Variants in NRXN1 observed in about 807,000 individuals in gnomAD.
NRXN1 encodes the protein neurexin-1.
In NRXN1, 39 loss-of-function variants were observed where a neutral mutation model predicts 150.9. That is an observed-to-expected ratio of 0.26 (90% confidence interval 0.20 to 0.34). The LOEUF (loss-of-function observed/expected upper bound fraction) is 0.34. Ranked by LOEUF, NRXN1 falls within the 10% of genes least tolerant of loss-of-function variation. The probability of loss-of-function intolerance (pLI) is 1.00; values close to 1 mark genes in which losing one functional copy is unlikely to be tolerated. For synonymous variants in NRXN1, 924 were observed against 757.0 expected (o/e 1.22, Z -3.62); for missense variants, 1,815 against 1,949.9 (o/e 0.93, Z 1.30).
At chr2:50,846,328 G>A (rs1036335617) in intron 5 of NRXN1, among the ~76,000 whole-genome samples, 3 of 152,144 alleles carry the variant, frequency 2.0e-5, no homozygotes, top group African/African-American at 4.8e-5. Flanking sequence ...AAGGCTAGAA[G>A]AGAAGGAATG....
At chr2:50,886,512 C>T (rs920525286) in intron 5 of NRXN1, among the ~76,000 whole-genome samples, 1 of 151,342 alleles carries the variant, frequency 6.6e-6, no homozygotes, top group Admixed American at 6.6e-5. Context: ...ATAAATTAGA[C>T]AATCTCATAA....
At chr2:50,979,667 C>T (rs898914294) in intron 2 of NRXN1, among the ~76,000 whole-genome samples, 3 of 152,036 alleles carry the variant, frequency 2.0e-5, no homozygotes, top group Non-Finnish European at 4.4e-5. Flanking sequence ...AATCTGGCAA[C>T]GAACCTTGGT....
chr2:50,696,394 G>C (rs187578644), intron 5 of NRXN1: 144 of 152,696 alleles, frequency 9.4e-4, no homozygotes, highest in African/African-American at 3.4e-3. Context: ...TCAGAAGTAA[G>C]TAATATTCTG....
intron 18 of NRXN1, among the ~76,000 whole-genome samples, chr2:50,121,577 G>C (rs776400516): frequency 6.6e-6 from 1 of 152,104 alleles, no homozygotes; most frequent in South Asian, 2.1e-4. Context: ...GTGTGCAGGG[G>C]AATGTTTCTG....
chr2:50,088,208 G>T (rs1379536512), intron 19 of NRXN1, among the ~76,000 whole-genome samples: 1 of 152,046 alleles, frequency 6.6e-6, no homozygotes, highest in Non-Finnish European at 1.5e-5. Flanking sequence ...TTTAATCAAG[G>T]TGACACACTC....
intron 5 of NRXN1, among the ~76,000 whole-genome samples, chr2:50,896,178 T>C (rs1681920456): frequency 6.6e-6 from 1 of 152,160 alleles, no homozygotes; most frequent in African/African-American, 2.4e-5. Flanking sequence ...TTTCTATTCT[T>C]TCATCTGGTC....
At chr2:50,481,796 C>G (rs1324347425) in intron 15 of NRXN1, among the ~76,000 whole-genome samples, 3 of 94,518 alleles carry the variant, frequency 3.2e-5, no homozygotes, top group African/African-American at 1.2e-4. Context: ...GACGGAGTCT[C>G]GCTCTGTCGC....
chr2:50,666,961 G>C (rs2104693470), intron 5 of NRXN1, among the ~76,000 whole-genome samples: 1 of 151,668 alleles, frequency 6.6e-6, no homozygotes, highest in South Asian at 2.1e-4. Flanking sequence ...ACACACGCAT[G>C]GCGTGGTGAG....
In NRXN1 at chr2:50,534,497, C is replaced by T. The variant is rs542976586; in HGVS notation, c.2144-3067G>A. ...AAGACCAGTGCAAATAATCAAATTG[C>T]TGTTGCTCAAAAAATAATGAAAACC... On this transcript the variant is annotated intron_variant, in intron 10 of 22. Coordinates refer to ENST00000401669, the MANE Select transcript of NRXN1 (RefSeq NM_001330078.2). Among the ~76,000 whole-genome samples, 5 of 152,078 alleles carry T rather than the reference C, an allele frequency of 3.3e-5. No individual in the cohort carries two copies. In the South Asian group the frequency reaches 1.0e-3, roughly 32 times the overall value.
At chr2:50,928,146 T>G (rs984383088) in intron 2 of NRXN1, among the ~76,000 whole-genome samples, 1 of 151,960 alleles carries the variant, frequency 6.6e-6, no homozygotes, top group African/African-American at 2.4e-5. Flanking sequence ...CAAGTCATGT[T>G]TAATGTGTAA....
intron 19 of NRXN1, among the ~76,000 whole-genome samples, chr2:50,056,809 A>C (rs1693714446): frequency 6.6e-6 from 1 of 152,158 alleles, no homozygotes; most frequent in Non-Finnish European, 1.5e-5. Context: ...GCAATCACAA[A>C]ATATTTTCAA....
chr2:50,994,197 G>C lies in NRXN1; in HGVS notation c.772+33305C>G, dbSNP rs369244699. On this transcript the variant is annotated intron_variant, in intron 2 of 22. Coordinates refer to ENST00000401669, the MANE Select transcript of NRXN1 (RefSeq NM_001330078.2). ...TCTTATAGAGTTGATCCCAGGTGGT[G>C]TGATCTTAGAGTCTGTACAATTAAG... Among the ~76,000 whole-genome samples, 98 of 152,086 alleles carry C rather than the reference G, an allele frequency of 6.4e-4. No homozygotes were observed. The Middle Eastern group carries it at 0.017, about 26-fold the overall frequency.
intron 16 of NRXN1, among the ~76,000 whole-genome samples, chr2:50,467,972 T>C (rs138400423): frequency 1.8e-3 from 278 of 151,672 alleles, no homozygotes; most frequent in African/African-American, 6.3e-3. Context: ...CCCATGGCAT[T>C]AGAGATCAAA....
chr2:50,135,132 T>G (rs549511664), intron 18 of NRXN1, among the ~76,000 whole-genome samples: 1 of 152,230 alleles, frequency 6.6e-6, no homozygotes, highest in Admixed American at 6.5e-5. Context: ...AAAAGCATGC[T>G]TACTGTTACT....
At chr2:50,116,910 A>T (rs1392434175) in intron 18 of NRXN1, among the ~76,000 whole-genome samples, 1 of 152,108 alleles carries the variant, frequency 6.6e-6, no homozygotes, top group Non-Finnish European at 1.5e-5. Flanking sequence ...CCAACTAAAA[A>T]TGACTTAAAA....
At chr2:50,900,606 C>CA (rs1459511442) in intron 5 of NRXN1, among the ~76,000 whole-genome samples, 1 of 152,046 alleles carries the variant, frequency 6.6e-6, no homozygotes, top group African/African-American at 2.4e-5. Context: ...ACCTACTTGT[C>CA]AGAGTGAGGA....
chr2:50,346,720 C>T lies in NRXN1; in HGVS notation c.3365-109750G>A, dbSNP rs1293598900. 6.2e-7 allele frequency: 1 copy of T among 1,613,880 alleles called. No homozygotes were observed. The highest frequency in any genetic ancestry group is 1.7e-5 in the Admixed American group (1 of 60,018). On this transcript the variant is annotated intron_variant, in intron 17 of 22. Transcript: ENST00000401669. The surrounding 1 kb of genome is among the most constrained non-coding windows in gnomAD (Gnocchi z 5.0). ...TCCGCCTCGCAAGGATGCCGGTGAC[C>T]TGTAGATTGCAATAGGCACTGAATG...
At chr2:50,534,622 C>A (rs1193906683) in intron 10 of NRXN1, among the ~76,000 whole-genome samples, 3 of 152,076 alleles carry the variant, frequency 2.0e-5, no homozygotes, top group Non-Finnish European at 4.4e-5. Flanking sequence ...ACTAGACAAT[C>A]ATGACCCATA....
chr2:50,877,110 G>A (rs566964522), intron 5 of NRXN1, among the ~76,000 whole-genome samples: 19 of 151,594 alleles, frequency 1.3e-4, no homozygotes, highest in African/African-American at 4.3e-4. Context: ...AAAGGATGGT[G>A]TCCTAGTTCA....
Sources: allele counts gnomAD v4.1 joint callset (sites outside exome capture counted in the v4.1 genomes callset), GRCh38; gene constraint gnomAD v4.1.1; non-coding constraint Gnocchi (gnomAD v3.1); transcripts MANE v1.5; gene names NCBI Gene and HGNC (gene_info 2026-07-23, HGNC 2026-07-21).